LRRC37A2: variants seen among roughly 807,000 people sequenced by gnomAD.
LRRC37A2 encodes leucine-rich repeat-containing protein 37A2.
A neutral mutation model predicts 68.8 loss-of-function variants in LRRC37A2; 9 were observed. That is an observed-to-expected ratio of 0.13 (90% confidence interval 0.08 to 0.23). LRRC37A2 has a LOEUF of 0.23. Ranked by LOEUF, LRRC37A2 falls within the 10% of genes least tolerant of loss-of-function variation. The pLI is 1.00. For missense variants in LRRC37A2, 168 were observed against 950.4 expected (o/e 0.18, Z 10.82); for synonymous variants, 63 against 367.6 (o/e 0.17, Z 9.48).
the LRRC37A2 span, among the ~76,000 whole-genome samples, chr17:46,918,320 C>T: frequency 6.6e-6 from 1 of 152,256 alleles, no homozygotes; most frequent in African/African-American, 2.4e-5. Flanking sequence ...CCTCGTGATC[C>T]GCCCACCTTG....
chr17:46,769,062 A>T, the LRRC37A2 span, among the ~76,000 whole-genome samples: 1 of 152,216 alleles, frequency 6.6e-6, no homozygotes, highest in Non-Finnish European at 1.5e-5. Flanking sequence ...CGCGGTGGTA[A>T]TCCCAGCACC....
At chr17:47,043,981 G>A in the LRRC37A2 span, among the ~76,000 whole-genome samples, 1 of 120,008 alleles carries the variant, frequency 8.3e-6, no homozygotes, top group African/African-American at 3.0e-5. Flanking sequence ...GGAGGCTGAG[G>A]TTGCAGTCAG....
chr17:46,836,102 G>GTGTGTGTGTGTGTGTGTGTA, the LRRC37A2 span, among the ~76,000 whole-genome samples: 1 of 148,154 alleles, frequency 6.7e-6, no homozygotes, highest in African/African-American at 2.5e-5. Context: ...TGACGTGTGT[G>GTGTGTGTGTGTGTGTGTGTA]TGTGTGTGTG....
chr17:46,969,341 G>A, the LRRC37A2 span, among the ~76,000 whole-genome samples: 2 of 152,234 alleles, frequency 1.3e-5, no homozygotes. Context: ...AGGGAGGCTG[G>A]CTGGTGTCAG....
At chr17:46,870,795 A>C in the LRRC37A2 span, among the ~76,000 whole-genome samples, 1 of 150,430 alleles carries the variant, frequency 6.6e-6, no homozygotes, top group African/African-American at 2.5e-5. Context: ...TTCTCTGACC[A>C]CTCCTGGCTT....
chr17:46,923,417 G>T, the LRRC37A2 span: 1 of 1,437,336 alleles, frequency 7.0e-7, no homozygotes, highest in Non-Finnish European at 9.1e-7. Flanking sequence ...TTCAGGCTGG[G>T]GCCTGGAGAC....
chr17:46,732,340 C>T, the LRRC37A2 span, among the ~76,000 whole-genome samples: 118 of 152,098 alleles, frequency 7.8e-4, no homozygotes, highest in Admixed American at 2.1e-3. Flanking sequence ...TCTCTTTTCT[C>T]CTTCCACCCC....
At chr17:46,958,060 G>A in the LRRC37A2 span, among the ~76,000 whole-genome samples, 1 of 152,152 alleles carries the variant, frequency 6.6e-6, no homozygotes, top group African/African-American at 2.4e-5. Flanking sequence ...GTCACTGGCC[G>A]GGGGTCACCT....
the LRRC37A2 span, among the ~76,000 whole-genome samples, chr17:46,809,097 T>C: frequency 6.6e-6 from 1 of 152,002 alleles, no homozygotes; most frequent in African/African-American, 2.4e-5. Context: ...AGTATTCCAG[T>C]TGAAGTGGGT....
At chr17:46,799,077 G>A in the LRRC37A2 span, among the ~76,000 whole-genome samples, 1 of 150,038 alleles carries the variant, frequency 6.7e-6, no homozygotes, top group Non-Finnish European at 1.5e-5. Context: ...ATCCCTGATA[G>A]CTAACCACAT....
chr17:46,862,174 AAAAAAGAAAAAG>A, the LRRC37A2 span, among the ~76,000 whole-genome samples: 1 of 150,946 alleles, frequency 6.6e-6, no homozygotes, highest in Non-Finnish European at 1.5e-5. Flanking sequence ...AAAAAAAAAA[AAAAAAGAAAAAG>A]AAAAAGAAAA....
chr17:46,849,919 C>G, the LRRC37A2 span, among the ~76,000 whole-genome samples: 2 of 149,462 alleles, frequency 1.3e-5, no homozygotes, highest in African/African-American at 5.0e-5. Context: ...GTGATTTCGG[C>G]TCACTGCAAC....
the LRRC37A2 span, among the ~76,000 whole-genome samples, chr17:46,826,598 T>C: frequency 6.6e-6 from 1 of 152,226 alleles, no homozygotes; most frequent in African/African-American, 2.4e-5. Flanking sequence ...TATGTGACAC[T>C]GAGCATATTA....
At chr17:46,939,818 A>G in the LRRC37A2 span, 2 of 987,462 alleles carry the variant, frequency 2.0e-6, no homozygotes, top group Non-Finnish European at 2.4e-6. Flanking sequence ...TACTAATACC[A>G]GGTATATTGT....
the LRRC37A2 span, among the ~76,000 whole-genome samples, chr17:46,739,965 G>C: frequency 6.6e-6 from 1 of 152,178 alleles, no homozygotes; most frequent in African/African-American, 2.4e-5. Context: ...CTCCCAAAGT[G>C]CTGGGATTAC....
At chr17:47,006,418 C>T in the LRRC37A2 span, among the ~76,000 whole-genome samples, 3 of 151,924 alleles carry the variant, frequency 2.0e-5, no homozygotes, top group Non-Finnish European at 2.9e-5. Context: ...TCGAGACCAG[C>T]CTCGCCAACA....
At chr17:46,751,636 G>GT in the LRRC37A2 span, 1 of 1,486,594 alleles carries the variant, frequency 6.7e-7, no homozygotes. Context: ...TTCGTTCTCC[G>GT]TATGACTCAG....
At chr17:46,532,793 G>A (rs1227928348) in intron 6 of LRRC37A2, among the ~76,000 whole-genome samples, 2 of 148,834 alleles carry the variant, frequency 1.3e-5, no homozygotes, top group East Asian at 3.9e-4. Flanking sequence ...CTCATTTCTA[G>A]TTTTAATAAT....
At chr17:46,851,657 C>A in the LRRC37A2 span, 1 of 1,294,568 alleles carries the variant, frequency 7.7e-7, no homozygotes, top group South Asian at 2.4e-5. The surrounding 1 kb of genome is among the most constrained non-coding windows in gnomAD (Gnocchi z 4.3). Flanking sequence ...CCCGCCCGCG[C>A]TGGCCCTGGC....
Sources: gnomAD v4.1 joint callset for allele counts (sites outside exome capture counted in the v4.1 genomes callset) on GRCh38, gnomAD v4.1.1 for gene constraint, Gnocchi (gnomAD v3.1) non-coding constraint, MANE v1.5 for transcripts, NCBI Gene and HGNC (gene_info 2026-07-23, HGNC 2026-07-21) for gene names.